PDE4B: variants seen among roughly 807,000 people sequenced by gnomAD.
PDE4B encodes the protein 3',5'-cyclic-AMP phosphodiesterase 4B.
Under a neutral mutation model 82.2 loss-of-function variants are expected in PDE4B, and 20 were observed. The observed-to-expected ratio is 0.24, with a 90% CI of 0.17 to 0.35. The LOEUF is 0.35. PDE4B is among the 10% of genes least tolerant of loss of function. The pLI is 1.00. For missense variants in PDE4B, 655 were observed against 907.2 expected (o/e 0.72, Z 3.57); for synonymous variants, 320 against 318.9 (o/e 1.00, Z -0.04).
At chr1:66,269,037 A>C (rs940163144) in intron 7 of PDE4B, among the ~76,000 whole-genome samples, 4 of 152,246 alleles carry the variant, frequency 2.6e-5, no homozygotes, top group African/African-American at 9.6e-5. Flanking sequence ...GGAAAACTAC[A>C]TAAAATTTGG....
chr1:66,062,843 G>T (rs560433348), intron 3 of PDE4B: 59 of 152,160 alleles, frequency 3.9e-4, no homozygotes, highest in African/African-American at 1.3e-3. Context: ...ATTTAAAATT[G>T]TTGACCATTT....
intron 3 of PDE4B, among the ~76,000 whole-genome samples, chr1:66,188,184 A>C (rs1647358380): frequency 6.6e-6 from 1 of 151,966 alleles, no homozygotes; most frequent in Non-Finnish European, 1.5e-5. Flanking sequence ...GTTTGATTGC[A>C]CTGTGGTCTG....
At chr1:66,367,658 C>G (rs755032247) in intron 13 of PDE4B, 38 bp from the exon 14 acceptor site, 1 of 1,523,972 alleles carries the variant, frequency 6.6e-7, no homozygotes, top group South Asian at 1.2e-5. Flanking sequence ...AAATCATATC[C>G]CTTTTTAATT....
At chr1:66,145,987 T>A (rs994408671) in intron 3 of PDE4B, among the ~76,000 whole-genome samples, 1 of 152,180 alleles carries the variant, frequency 6.6e-6, no homozygotes, top group African/African-American at 2.4e-5. Flanking sequence ...TTGCTTCGCT[T>A]CACAAAAGTC....
At chr1:65,847,785 T>C (rs1467724018) in intron 1 of PDE4B, among the ~76,000 whole-genome samples, 1 of 152,224 alleles carries the variant, frequency 6.6e-6, no homozygotes, top group East Asian at 1.9e-4. Context: ...TCATTTGACA[T>C]CAAGCCCTGA....
In PDE4B at chr1:66,370,035, C is replaced by T. The variant is rs368669633; in HGVS notation, c.1845+1066C>T. On this transcript the variant is annotated intron_variant, in intron 16 of 16. Coordinates refer to ENST00000341517, the MANE Select transcript of PDE4B (RefSeq NM_002600.4). ...GCATGGTAGTGTGTGCCTGTAGTCC[C>T]AGCTACTCGGGAAGCTGAGACAGGA... Among the ~76,000 whole-genome samples, 9 of 151,378 alleles carry T rather than the reference C, an allele frequency of 5.9e-5. No homozygotes were observed. In the East Asian group the frequency reaches 7.8e-4, roughly 13 times the overall value.
rs138365501 is a variant in PDE4B, at chr1:66,072,242, T to C, written c.281+153407T>C. ...ATGAGCAAGCATTGAAGTAAAAGAGTGGTGTCCTTATTTCTAAGTAGAATT... is the reference window on the plus strand; with the variant it reads ...ATGAGCAAGCATTGAAGTAAAAGAGCGGTGTCCTTATTTCTAAGTAGAATT... On this transcript the variant is annotated intron_variant, in intron 3 of 16. Transcript: ENST00000341517. Among the ~76,000 whole-genome samples the C allele has an allele frequency of 1.3e-3, 202 of 151,884 alleles. 4 individuals are homozygous for C. The highest frequency in any genetic ancestry group is 4.7e-3 in the African/African-American group (196 of 41,414).
chr1:66,314,952 T>C (rs1284616696), intron 7 of PDE4B, among the ~76,000 whole-genome samples: 1 of 152,216 alleles, frequency 6.6e-6, no homozygotes, highest in Non-Finnish European at 1.5e-5. Flanking sequence ...GCCCTTGCTG[T>C]TTTCACTTTG....
intron 7 of PDE4B, among the ~76,000 whole-genome samples, chr1:66,286,944 A>G (rs1334824038): frequency 6.6e-6 from 1 of 152,140 alleles, no homozygotes; most frequent in African/African-American, 2.4e-5. Flanking sequence ...AGAAATCTTA[A>G]ACGTAGCAAC....
intron 3 of PDE4B, among the ~76,000 whole-genome samples, chr1:66,018,554 G>A (rs1456222894): frequency 6.6e-6 from 1 of 151,900 alleles, no homozygotes; most frequent in Non-Finnish European, 1.5e-5. Flanking sequence ...AATATCAAAG[G>A]ACAATTCCAA....
chr1:65,797,986 T>A (rs1645649902), intron 1 of PDE4B, among the ~76,000 whole-genome samples: 1 of 152,168 alleles, frequency 6.6e-6, no homozygotes, highest in African/African-American at 2.4e-5. Flanking sequence ...TATTTTTATT[T>A]TTTAATTTTA....
At chr1:66,079,717 A>G (rs1656624918) in intron 3 of PDE4B, among the ~76,000 whole-genome samples, 1 of 152,114 alleles carries the variant, frequency 6.6e-6, no homozygotes, top group East Asian at 1.9e-4. Context: ...TCAAGGAGGA[A>G]AAAATATTTT....
At chr1:66,052,451 A>G (rs995657322) in intron 3 of PDE4B, among the ~76,000 whole-genome samples, 2 of 152,148 alleles carry the variant, frequency 1.3e-5, no homozygotes, top group African/African-American at 4.8e-5. Context: ...TACAGATAAC[A>G]AAGCTGGAGC....
intron 7 of PDE4B, among the ~76,000 whole-genome samples, chr1:66,311,161 G>A (rs185099642): frequency 8.5e-5 from 13 of 152,202 alleles, no homozygotes; most frequent in South Asian, 4.2e-4. Context: ...GCAGCTGAGC[G>A]CCAACCTAAA....
intron 3 of PDE4B, among the ~76,000 whole-genome samples, chr1:66,196,233 G>A (rs1176364820): frequency 6.6e-6 from 1 of 152,214 alleles, no homozygotes. Context: ...GCGGCCCTGG[G>A]TTTAGGCCCA....
At chr1:66,371,304 C>G (rs1485926421) in intron 16 of PDE4B, among the ~76,000 whole-genome samples, 1 of 150,608 alleles carries the variant, frequency 6.6e-6, no homozygotes, top group Admixed American at 6.6e-5. Flanking sequence ...CCATCTACCC[C>G]TAAATCCCAA....
At chr1:65,893,975 G>A (rs1332591023) in intron 1 of PDE4B, among the ~76,000 whole-genome samples, 1 of 152,010 alleles carries the variant, frequency 6.6e-6, no homozygotes, top group Non-Finnish European at 1.5e-5. Flanking sequence ...GTGATATAAT[G>A]GACTTTGGGT....
intron 7 of PDE4B, among the ~76,000 whole-genome samples, chr1:66,280,173 C>T (rs1385711969): frequency 2.0e-5 from 3 of 152,212 alleles, no homozygotes; most frequent in East Asian, 1.9e-4. Flanking sequence ...ATAAAATAAT[C>T]ATTCATCCTA....
chr1:65,903,527 G>A (rs1646994972), intron 1 of PDE4B, among the ~76,000 whole-genome samples: 1 of 152,090 alleles, frequency 6.6e-6, no homozygotes, highest in Non-Finnish European at 1.5e-5. Context: ...CCACGAGGTT[G>A]AGGCTGCAGT....
Sources: gnomAD v4.1 joint callset for allele counts (sites outside exome capture counted in the v4.1 genomes callset) on GRCh38, gnomAD v4.1.1 for gene constraint, MANE v1.5 for transcripts, NCBI Gene and HGNC (gene_info 2026-07-23, HGNC 2026-07-21) for gene names.